DDAH1: variants seen among roughly 807,000 people sequenced by gnomAD.
The protein encoded by DDAH1 is dimethylarginine dimethylaminohydrolase 1, also known as N(G),N(G)-dimethylarginine dimethylaminohydrolase 1.
Under a neutral mutation model 28.8 loss-of-function variants are expected in DDAH1, and 19 were observed. The observed-to-expected ratio is 0.66, with a 90% CI of 0.46 to 0.97. The LOEUF (loss-of-function observed/expected upper bound fraction) is 0.97, where lower values mean the gene tolerates loss of function less well. Ranked by LOEUF, DDAH1 falls within the 50% of genes least tolerant of loss-of-function variation. The pLI, the probability that DDAH1 is intolerant of heterozygous loss-of-function variation, is 0.00. For synonymous variants in DDAH1, 153 were observed against 154.4 expected, an observed-to-expected ratio of 0.99 and a Z score of 0.07; for missense variants, 326 against 375.9, an observed-to-expected ratio of 0.87 and a Z score of 1.10.
At chr1:85,556,712 C>T (rs1433528270) in intron 1 of DDAH1, among the ~76,000 whole-genome samples, 1 of 152,280 alleles carries the variant, frequency 6.6e-6, no homozygotes, top group Non-Finnish European at 1.5e-5. Context: ...AATCTACCAA[C>T]CACGTATAAC....
chr1:85,342,955 A>C (rs1032677088), intron 4 of DDAH1, among the ~76,000 whole-genome samples: 3 of 152,184 alleles, frequency 2.0e-5, no homozygotes, highest in African/African-American at 7.2e-5. Context: ...AACCACTCTC[A>C]CTAGGAACCA....
chr1:85,500,574 A>G (rs141177068), intron 1 of DDAH1, among the ~76,000 whole-genome samples: 1 of 152,106 alleles, frequency 6.6e-6, no homozygotes, highest in East Asian at 1.9e-4. Flanking sequence ...CATGGAGTTT[A>G]TTGAGATTCT....
chr1:85,357,217 C>G (rs760516996), intron 2 of DDAH1, among the ~76,000 whole-genome samples: 3 of 152,136 alleles, frequency 2.0e-5, no homozygotes, highest in Non-Finnish European at 4.4e-5. Flanking sequence ...AAGAATGCAG[C>G]GTAGGCCTTC....
intron 4 of DDAH1, among the ~76,000 whole-genome samples, chr1:85,344,035 T>C (rs528706158): frequency 6.6e-6 from 1 of 152,192 alleles, no homozygotes; most frequent in Non-Finnish European, 1.5e-5. Context: ...AGGAAGTAGA[T>C]AAGAAACCTA....
intron 4 of DDAH1, among the ~76,000 whole-genome samples, chr1:85,346,829 A>G (rs1355893668): frequency 6.6e-6 from 1 of 152,212 alleles, no homozygotes; most frequent in African/African-American, 2.4e-5. Flanking sequence ...TGAACAGGCA[A>G]CCTACAGAAT....
At chr1:85,577,379 T>C (rs1472129329) in intron 1 of DDAH1, among the ~76,000 whole-genome samples, 2 of 152,174 alleles carry the variant, frequency 1.3e-5, no homozygotes, top group Non-Finnish European at 2.9e-5. Flanking sequence ...GGCGCCACCT[T>C]AAAGCCGGTC....
upstream of DDAH1, among the ~76,000 whole-genome samples, chr1:85,469,231 C>T (rs1655531640): frequency 6.6e-6 from 1 of 152,132 alleles, no homozygotes; most frequent in Admixed American, 6.5e-5. Context: ...CTGGTGTCTG[C>T]CTCCAGAGAA....
chr1:85,404,108 C>T (rs952483068), intron 1 of DDAH1, among the ~76,000 whole-genome samples: 1 of 151,996 alleles, frequency 6.6e-6, no homozygotes, highest in Non-Finnish European at 1.5e-5. Context: ...TATTTTTAAG[C>T]CCATACGAAA....
intron 1 of DDAH1, among the ~76,000 whole-genome samples, chr1:85,446,845 T>G (rs1428323857): frequency 2.0e-5 from 3 of 152,128 alleles, no homozygotes; most frequent in Non-Finnish European, 4.4e-5. Flanking sequence ...TCTCTTCCTA[T>G]TTGCCCCTTT....
chr1:85,449,212 C>T (rs890422460), intron 1 of DDAH1, among the ~76,000 whole-genome samples: 5 of 152,194 alleles, frequency 3.3e-5, no homozygotes, highest in African/African-American at 9.6e-5. Flanking sequence ...GCTGAGGGCA[C>T]AGGCCAGCAT....
At chr1:85,553,979 A>G (rs1658883332) in intron 1 of DDAH1, among the ~76,000 whole-genome samples, 1 of 152,170 alleles carries the variant, frequency 6.6e-6, no homozygotes, top group East Asian at 1.9e-4. Context: ...CCTGCCCTGG[A>G]CATCTTGGCT....
At chr1:85,460,643 T>C (rs958629024) in intron 1 of DDAH1, among the ~76,000 whole-genome samples, 1 of 152,168 alleles carries the variant, frequency 6.6e-6, no homozygotes, top group African/African-American at 2.4e-5. Context: ...AAACAGGATA[T>C]ATTTTGCAAT....
chr1:85,570,364 T>TCTCA (rs1553149612), intron 1 of DDAH1, among the ~76,000 whole-genome samples: 1 of 145,468 alleles, frequency 6.9e-6, no homozygotes, highest in East Asian at 2.0e-4. Context: ...ACACACACTG[T>TCTCA]CACACACACA....
intron 1 of DDAH1, among the ~76,000 whole-genome samples, chr1:85,528,614 T>G (rs1657952747): frequency 6.6e-6 from 1 of 152,006 alleles, no homozygotes; most frequent in Non-Finnish European, 1.5e-5. Context: ...TTAAAGAACA[T>G]TTTTTGCAAC....
intron 1 of DDAH1, among the ~76,000 whole-genome samples, chr1:85,451,288 G>T (rs1391855875): frequency 6.6e-6 from 1 of 152,176 alleles, no homozygotes; most frequent in Non-Finnish European, 1.5e-5. Flanking sequence ...CAGGAGAAGG[G>T]CACAGCCTCA....
At chr1:85,539,113 A>G (rs568823062) in intron 1 of DDAH1, among the ~76,000 whole-genome samples, 2 of 152,174 alleles carry the variant, frequency 1.3e-5, no homozygotes, top group East Asian at 1.9e-4. Flanking sequence ...TCTCTTTCTC[A>G]GAATGAAGTT....
intron 2 of DDAH1, among the ~76,000 whole-genome samples, chr1:85,491,570 G>C (rs568267983): frequency 2.0e-5 from 3 of 152,294 alleles, no homozygotes; most frequent in Non-Finnish European, 2.9e-5. Context: ...AGCCCTAAAA[G>C]TGTGCTTGCC....
At chr1:85,513,164 T>G (rs1177692672) in intron 1 of DDAH1, among the ~76,000 whole-genome samples, 2 of 151,934 alleles carry the variant, frequency 1.3e-5, no homozygotes, top group African/African-American at 4.8e-5. Context: ...TATAGACCAA[T>G]GGAACAGAAC....
At chr1:85,509,196 C>A (rs1321463627) in intron 1 of DDAH1, among the ~76,000 whole-genome samples, 1 of 152,200 alleles carries the variant, frequency 6.6e-6, no homozygotes, top group South Asian at 2.1e-4. Context: ...GATACCCAGG[C>A]AAAGAGGGTC....
Sources: allele counts gnomAD v4.1 joint callset (sites outside exome capture counted in the v4.1 genomes callset), GRCh38; gene constraint gnomAD v4.1.1; transcripts MANE v1.5; gene names NCBI Gene and HGNC (gene_info 2026-07-23, HGNC 2026-07-21).